ARFGEF2: variants seen among roughly 807,000 people sequenced by gnomAD.
The protein encoded by ARFGEF2 is ARF guanine nucleotide exchange factor 2, also known as brefeldin A-inhibited guanine nucleotide-exchange protein 2.
Under a neutral mutation model 219.9 loss-of-function variants are expected in ARFGEF2, and 74 were observed. The ratio of observed to expected loss-of-function variants is 0.34; its 90% CI spans 0.28 to 0.41. The LOEUF is 0.41. ARFGEF2 is among the 10% of genes least tolerant of loss of function. The pLI is 1.00. For synonymous variants in ARFGEF2, 733 were observed against 799.2 expected, an observed-to-expected ratio of 0.92 and a Z score of 1.40; for missense variants, 1,743 against 2,218.3, an observed-to-expected ratio of 0.79 and a Z score of 4.30.
In ARFGEF2 at chr20:49,023,114, T is replaced by C. The variant is rs2091575902; in HGVS notation, c.4688T>C (p.Ile1563Thr). 2.5e-6 allele frequency: 4 copies of C among 1,614,210 alleles called. No individual in the cohort carries two copies. The highest frequency in any genetic ancestry group is 3.4e-6 in the Non-Finnish European group (4 of 1,180,020). The change falls in exon 35 of 39, where the codon ATT becomes ACT. Residue 1563 changes from isoleucine to threonine, a missense_variant. Ile to Thr is a moderately conservative substitution (Grantham distance 89, BLOSUM62 -1). Transcript: ENST00000371917. ...GTCCAGTTGGAATTGATACAGACCA[T>C]TGACAACATTGTGTTCTACCCTGCG... is the stretch of plus-strand genomic sequence containing the variant. Reference protein sequence around the residue: ...CVVQLELIQTIDNIVFYPATS... With the variant: ...CVVQLELIQTTDNIVFYPATS...
At chr20:48,945,990 C>G (rs1382691237) in intron 3 of ARFGEF2, among the ~76,000 whole-genome samples, 2 of 152,164 alleles carry the variant, frequency 1.3e-5, no homozygotes, top group Admixed American at 6.5e-5. Context: ...CTTTTTATGA[C>G]ATGAGAAAGT....
chr20:48,994,510 G>A lies in ARFGEF2; in HGVS notation c.3033G>A (p.Thr1011=), dbSNP rs750085797. The A allele has an allele frequency of 1.4e-5, 22 of 1,613,946 alleles. No homozygotes were observed. Among genetic ancestry groups the A allele is most frequent in the African/African-American group, 2.7e-5 (2 of 74,880 alleles). Residue 1011 remains threonine (T), a synonymous_variant, in exon 22 of 39, where the codon ACG becomes ACA. Transcript: ENST00000371917. ...AGCTGATAGGAACCGGTGTGAAGAC[G>A]CGCTACCTGTCTGGATCTGGGCGTG... The part of the protein sequence containing the change: ...LAQLIGTGVK[T]RYLSGSGRER...
At position 49,036,090 on chromosome 20, in the gene ARFGEF2, A is replaced by G; in HGVS notation, c.*2891A>G. ...TTAAAGGAACCTGCTGATAAGTACAAGTGTGACCATCTCATTCAAATGTTT... is the reference window on the plus strand; with the variant it reads ...TTAAAGGAACCTGCTGATAAGTACAGGTGTGACCATCTCATTCAAATGTTT... On this transcript the variant is annotated 3_prime_UTR_variant, in exon 39 of 39. Coordinates refer to ENST00000371917, the MANE Select transcript of ARFGEF2 (RefSeq NM_006420.3). 1 of 398,192 alleles carries G rather than the reference A, an allele frequency of 2.5e-6. No homozygotes were observed. The highest frequency in any genetic ancestry group is 4.4e-6 in the Non-Finnish European group (1 of 225,876). 24.7% of individuals were successfully genotyped at this position (398,192 alleles called of 1,614,324 possible).
intron 7 of ARFGEF2, 41 bp from the exon 8 acceptor site, chr20:48,965,831 A>G: frequency 6.2e-7 from 1 of 1,612,622 alleles, no homozygotes; most frequent in Non-Finnish European, 8.5e-7. Flanking sequence ...TAGGGTAAGT[A>G]CAGTACTAAT....
chr20:48,938,907 C>A (rs1352727834), intron 1 of ARFGEF2, among the ~76,000 whole-genome samples: 1 of 151,906 alleles, frequency 6.6e-6, no homozygotes, highest in Admixed American at 6.6e-5. Flanking sequence ...TGACATTTCC[C>A]GTCTGGCCTC....
chr20:48,932,256 G>T (rs962967453), intron 1 of ARFGEF2, among the ~76,000 whole-genome samples: 1 of 152,178 alleles, frequency 6.6e-6, no homozygotes, highest in Non-Finnish European at 1.5e-5. Flanking sequence ...GAGTCTCCTT[G>T]TGCCCACTTC....
chr20:48,931,228 C>CT (rs949061441), intron 1 of ARFGEF2, among the ~76,000 whole-genome samples: 4 of 151,912 alleles, frequency 2.6e-5, no homozygotes, highest in African/African-American at 7.3e-5. Flanking sequence ...TTTGTTTTTT[C>CT]TTTTTTTTAA....
intron 14 of ARFGEF2, 124 bp from the exon 15 acceptor site, chr20:48,984,605 C>T (rs932823212): frequency 1.6e-5 from 20 of 1,252,770 alleles, no homozygotes; most frequent in Non-Finnish European, 2.3e-5. Flanking sequence ...ACAGACATGA[C>T]CTTGCTAGCT....
At chr20:48,948,993 G>A (rs538936793) in intron 3 of ARFGEF2, among the ~76,000 whole-genome samples, 23 of 152,192 alleles carry the variant, frequency 1.5e-4, no homozygotes, top group African/African-American at 5.5e-4. Flanking sequence ...AAATAATTAC[G>A]TTTGTCTTAC....
intron 21 of ARFGEF2, among the ~76,000 whole-genome samples, chr20:48,991,713 C>G (rs764342819): frequency 6.6e-6 from 1 of 151,986 alleles, no homozygotes; most frequent in Non-Finnish European, 1.5e-5. Context: ...TTTAGTTGTT[C>G]TAGGGAAAAG....
chr20:48,986,306 G>T (rs1357937580), intron 16 of ARFGEF2, among the ~76,000 whole-genome samples: 1 of 152,184 alleles, frequency 6.6e-6, no homozygotes, highest in African/African-American at 2.4e-5. Context: ...AGCAGAGCCA[G>T]GGTTGAATAT....
In ARFGEF2 at chr20:48,921,943, C is replaced by T. The variant is rs763766931; in HGVS notation, c.54C>T (p.Ile18=). 3 of 1,567,016 alleles carry T rather than the reference C, an allele frequency of 1.9e-6. No homozygotes were observed. Among genetic ancestry groups the T allele is most frequent in the East Asian group, 2.4e-5 (1 of 42,200 alleles). Residue 18 remains isoleucine (I), a synonymous_variant, in exon 1 of 39, where the codon ATC becomes ATT. Coordinates refer to ENST00000371917, the MANE Select transcript of ARFGEF2 (RefSeq NM_006420.3). ...SMFVSRALEK[I]LADKEVKRPQ... ...TCGTGTCCCGGGCCCTGGAGAAGAT[C>T]CTAGCCGACAAGGAGGTGAAGCGGC...
chr20:48,966,401 C>T (rs548457644), intron 8 of ARFGEF2, among the ~76,000 whole-genome samples: 20 of 152,244 alleles, frequency 1.3e-4, no homozygotes, highest in Non-Finnish European at 2.1e-4. Flanking sequence ...CATAGATTGC[C>T]CTTGTTAACA....
At position 48,989,567 on chromosome 20, in the gene ARFGEF2, G is replaced by A. The variant is rs779986717; in HGVS notation, c.2697G>A (p.Thr899=). 22 of 1,614,080 alleles carry A rather than the reference G, an allele frequency of 1.4e-5. No individual in the cohort carries two copies. The highest frequency in any genetic ancestry group is 3.3e-4 in the Middle Eastern group (2 of 6,084). The change falls in exon 20 of 39, where the codon ACG becomes ACA. Residue 899 remains threonine (T), a synonymous_variant. Coordinates refer to ENST00000371917, the MANE Select transcript of ARFGEF2 (RefSeq NM_006420.3). ...TCCTTCCATGATAGCTGGTGTGGAC[G>A]CCACTATTGGCAGCCTACAGCATCG... ...HVRPMFKLVW[T]PLLAAYSIGL... is the part of the protein sequence containing the mutation.
At chr20:48,955,894 A>G (rs1297826836) in intron 6 of ARFGEF2, among the ~76,000 whole-genome samples, 1 of 151,832 alleles carries the variant, frequency 6.6e-6, no homozygotes, top group Non-Finnish European at 1.5e-5. Flanking sequence ...GTCTGTGAAT[A>G]GCCTCTGTGC....
chr20:49,022,553 G>A (rs931171683), intron 34 of ARFGEF2, among the ~76,000 whole-genome samples: 5 of 152,184 alleles, frequency 3.3e-5, no homozygotes, highest in African/African-American at 4.8e-5. Context: ...CTGGGTGGCA[G>A]AGAAACTTGC....
chr20:49,003,215 G>GC (rs1452009714), intron 25 of ARFGEF2, among the ~76,000 whole-genome samples: 4 of 150,754 alleles, frequency 2.7e-5, no homozygotes, highest in African/African-American at 9.8e-5. Flanking sequence ...TGATCCTCCC[G>GC]CCTGAGCCTC....
At chr20:48,971,764 G>A (rs2091229573) in intron 10 of ARFGEF2, among the ~76,000 whole-genome samples, 3 of 152,098 alleles carry the variant, frequency 2.0e-5, no homozygotes, top group Non-Finnish European at 2.9e-5. Context: ...AGCCAGGCGT[G>A]GTGGCAGGCG....
At chr20:49,019,058 A>G (rs756292602) in intron 34 of ARFGEF2, 60 bp downstream of exon 34, 106 of 1,387,858 alleles carry the variant, frequency 7.6e-5, no homozygotes, top group Non-Finnish European at 7.2e-5. Context: ...TCATATATTC[A>G]GAAGGCACAA....
Sources: gnomAD v4.1 joint callset for allele counts (sites outside exome capture counted in the v4.1 genomes callset) on GRCh38, gnomAD v4.1.1 for gene constraint, MANE v1.5 for transcripts, NCBI Gene and HGNC (gene_info 2026-07-23, HGNC 2026-07-21) for gene names.